FOXF1: variants seen among roughly 807,000 people sequenced by gnomAD.
FOXF1 encodes forkhead box protein F1.
A neutral mutation model predicts 26.6 loss-of-function variants in FOXF1; 9 were observed. That is an observed-to-expected ratio of 0.34 (90% CI 0.20 to 0.59). FOXF1 has a LOEUF of 0.59. Ranked by LOEUF, FOXF1 falls within the 20% of genes least tolerant of loss-of-function variation. The pLI, the probability that FOXF1 is intolerant of heterozygous loss-of-function variation, is 0.83. For missense variants in FOXF1, 499 were observed against 549.9 expected (o/e 0.91, Z 0.93); for synonymous variants, 330 against 257.7 (o/e 1.28, Z -2.69).
intron 1 of FOXF1, among the ~76,000 whole-genome samples, chr16:86,512,556 G>T (rs1395480498): frequency 1.3e-5 from 2 of 152,216 alleles, no homozygotes; most frequent in African/African-American, 4.8e-5. Context: ...TCTGAGGTTG[G>T]GGGTGGTGGT....
At chr16:86,511,967 G>A (rs1454577592) in intron 1 of FOXF1, among the ~76,000 whole-genome samples, 1 of 149,992 alleles carries the variant, frequency 6.7e-6, no homozygotes, top group African/African-American at 2.4e-5. Context: ...TGCCTGGAGG[G>A]CTGCCTCTGC....
Position 86,510,650 on chromosome 16 carries a change from C to T in FOXF1, c.81C>T (p.Asp27=). 1.3e-6 allele frequency: 2 copies of T among 1,596,606 alleles called. No homozygotes were observed. Among genetic ancestry groups the T allele is most frequent in the Non-Finnish European group, 1.7e-6 (2 of 1,173,298 alleles). Reference sequence around the variant, plus strand: ...GCGGGGGAGGCGGCGCGGCCATGGACCCCGCGTCGTCCGGCCCGTCCAAGG... The same window carrying T: ...GCGGGGGAGGCGGCGCGGCCATGGATCCCGCGTCGTCCGGCCCGTCCAAGG... ...GGGGGGGAAM[D]PASSGPSKAK... Residue 27 remains aspartate, a synonymous_variant, in exon 1 of 2, where the codon GAC becomes GAT. Coordinates refer to ENST00000262426, the MANE Select transcript of FOXF1 (RefSeq NM_001451.3).
chr16:86,511,385 C>G lies in FOXF1; in HGVS notation c.816C>G (p.Pro272=). The G allele has an allele frequency of 6.3e-7, 1 of 1,585,464 alleles. No individual in the cohort carries two copies. Among genetic ancestry groups the G allele is most frequent in the Non-Finnish European group, 8.5e-7 (1 of 1,174,502 alleles). ...CGGGCTCGGCGGCGGCCTGGCCGCC[C>G]TCGGCGTCCGCGGCGCTCAACAGCG... ...VYSGSAAAWP[P]SASAALNSGA... is the part of the protein sequence containing the mutation. The change falls in exon 1 of 2, where the codon CCC becomes CCG. Residue 272 remains proline (P), a synonymous_variant. Transcript: ENST00000262426.
rs1334406061 is a variant in FOXF1, at chr16:86,514,157, C to A, written c.*1072C>A. On this transcript the variant is annotated 3_prime_UTR_variant, in exon 2 of 2. Transcript: ENST00000262426. Reference sequence around the variant, plus strand: ...GCCGTGTAGAATTTTTTTTAGATATCCATTGTAAATTTGAAACAAAGACCG... The same window carrying A: ...GCCGTGTAGAATTTTTTTTAGATATACATTGTAAATTTGAAACAAAGACCG... 4 of 151,858 alleles carry A rather than the reference C, an allele frequency of 2.6e-5. No individual in the cohort carries two copies. The highest frequency in any genetic ancestry group is 9.7e-5 in the African/African-American group (4 of 41,354). The allele number at this position is 151,858 out of a possible 1,614,324, so 9.4% of individuals were successfully genotyped here.
chr16:86,511,222 C>A lies in FOXF1; in HGVS notation c.653C>A (p.Ser218Tyr). The change falls in exon 1 of 2, where the codon TCC (serine) becomes TAC (tyrosine). Residue 218 changes from serine (S) to tyrosine (Y), a missense_variant. By Grantham distance (144) the Ser-to-Tyr change is moderately radical (BLOSUM62 -2). Coordinates refer to ENST00000262426, the MANE Select transcript of FOXF1 (RefSeq NM_001451.3). Reference sequence around the variant, plus strand: ...AGCCACTCGGTGCCCCACCTGCCTTCCAACGGCGGCCACTCGTACATGGGC... The same window carrying A: ...AGCCACTCGGTGCCCCACCTGCCTTACAACGGCGGCCACTCGTACATGGGC... ...LPSHSVPHLP[S>Y]NGGHSYMGGC... 6.5e-7 allele frequency: 1 copy of A among 1,535,502 alleles called. No individual in the cohort carries two copies. The highest frequency in any genetic ancestry group is 8.7e-7 in the Non-Finnish European group (1 of 1,146,824).
chr16:86,511,688 CT>C, intron 1 of FOXF1, 140 bp downstream of exon 1: 1 of 1,211,034 alleles, frequency 8.3e-7, no homozygotes, highest in Non-Finnish European at 1.2e-6. Context: ...CAAGGTGTCT[CT>C]TGGCCCCACC....
chr16:86,513,443 A>G lies in FOXF1; in HGVS notation c.*358A>G, dbSNP rs903335860. 7 of 272,914 alleles carry G rather than the reference A, an allele frequency of 2.6e-5. No individual in the cohort carries two copies. The Admixed American group carries it at 3.4e-4, about 13-fold the overall frequency. 16.9% of individuals were successfully genotyped at this position (272,914 alleles called of 1,614,324 possible). On this transcript the variant is annotated 3_prime_UTR_variant, in exon 2 of 2. Transcript: ENST00000262426. Reference sequence around the variant, plus strand: ...CTGAGGTCCCCCCTCCTTCCGGCCAATGGCAGAAGTGGGGGAAAATTTTTA... The same window carrying G: ...CTGAGGTCCCCCCTCCTTCCGGCCAGTGGCAGAAGTGGGGGAAAATTTTTA...
Position 86,512,913 on chromosome 16 carries a change from C to T in FOXF1, c.980-12C>T, listed in dbSNP as rs1214254513. On this transcript the variant is annotated splice_polypyrimidine_tract_variant and intron_variant, in intron 1 of 1. Coordinates refer to ENST00000262426, the MANE Select transcript of FOXF1 (RefSeq NM_001451.3). ...CTGCTCCCCCAACCCCTCCTGTCGC[C>T]TCGCCTTGCAGGCATCCCGCGGTAT... The T allele has an allele frequency of 1.9e-6, 3 of 1,613,892 alleles. No homozygotes were observed. The African/African-American group carries it at 4.0e-5, about 22-fold the overall frequency.
In FOXF1 at chr16:86,511,052, C is replaced by T. The variant is rs1234300382; in HGVS notation, c.483C>T (p.Leu161=). The T allele has an allele frequency of 8.1e-6, 13 of 1,611,126 alleles. No individual in the cohort carries two copies. The highest frequency in any genetic ancestry group is 1.0e-5 in the Non-Finnish European group (12 of 1,179,976). ...CCATGTACAGCATGATGAACGGGCT[C>T]GGCTTCAACCACCTCCCGGACACCT... The part of the protein sequence containing the change: ...LKPMYSMMNG[L]GFNHLPDTYG... The change falls in exon 1 of 2, where the codon CTC becomes CTT. Residue 161 remains leucine (L), a synonymous_variant. Coordinates refer to ENST00000262426, the MANE Select transcript of FOXF1 (RefSeq NM_001451.3).
rs144507459 is a variant in FOXF1, at chr16:86,512,648, C to T, written c.980-277C>T. Among the ~76,000 whole-genome samples the T allele has an allele frequency of 2.0e-5, 3 of 152,314 alleles. No homozygotes were observed. In the East Asian group the frequency reaches 5.8e-4, roughly 29 times the overall value. ...ACCACTTCCCCTATGGCTCTGGAAG[C>T]CCTGGGCCCCTGCACGGTGTCCGAG... On this transcript the variant is annotated intron_variant, in intron 1 of 1. Coordinates refer to ENST00000262426, the MANE Select transcript of FOXF1 (RefSeq NM_001451.3).
chr16:86,512,071 A>C (rs76103446), intron 1 of FOXF1, among the ~76,000 whole-genome samples: 1,712 of 152,342 alleles, frequency 0.011, 40 homozygotes, highest in African/African-American at 0.039. Flanking sequence ...CAGACCTGGC[A>C]GACCCACAGC....
Position 86,512,282 on chromosome 16 carries a change from C to T in FOXF1, c.980-643C>T, listed in dbSNP as rs557295760. Among the ~76,000 whole-genome samples the T allele has an allele frequency of 5.3e-5, 8 of 152,310 alleles. No individual in the cohort carries two copies. The South Asian group carries it at 1.4e-3, about 28-fold the overall frequency. On this transcript the variant is annotated intron_variant, in intron 1 of 1. Transcript: ENST00000262426. ...TGCCAAGGGAGATGCAGCAGCCTCG[C>T]CTCCTGATTCTGCCCCAGGCCCCCC...
rs773800792 is a variant in FOXF1 at position 86,510,656 on chromosome 16, G to A, written c.87G>A (p.Ala29=). 1.9e-6 allele frequency: 3 copies of A among 1,602,690 alleles called. No individual in the cohort carries two copies. Among genetic ancestry groups the A allele is most frequent in the Admixed American group, 1.7e-5 (1 of 59,162 alleles). ...GGGGGAAMDP[A]SSGPSKAKKT... is the part of the protein sequence containing the mutation. ...GAGGCGGCGCGGCCATGGACCCCGC[G>A]TCGTCCGGCCCGTCCAAGGCCAAGA... Residue 29 remains alanine, a synonymous_variant, in exon 1 of 2, where the codon GCG becomes GCA. Transcript: ENST00000262426.
At position 86,511,310 on chromosome 16, in the gene FOXF1, G is replaced by C; in HGVS notation, c.741G>C (p.Pro247=). The C allele has an allele frequency of 2.0e-6, 3 of 1,520,464 alleles. No individual in the cohort carries two copies. The highest frequency in any genetic ancestry group is 2.6e-6 in the Non-Finnish European group (3 of 1,141,712). The allele number at this position is 1,520,464 out of a possible 1,614,324, so 94.2% of individuals were successfully genotyped here. The change falls in exon 1 of 2, where the codon CCG becomes CCC. Residue 247 remains proline, a synonymous_variant. Coordinates refer to ENST00000262426, the MANE Select transcript of FOXF1 (RefSeq NM_001451.3). Reference sequence around the variant, plus strand: ...ACGACAGCTCGGTGCCCGCCTCCCCGCTGCTGCCCACCGGCGCCGGTGGGG... The same window carrying C: ...ACGACAGCTCGGTGCCCGCCTCCCCCCTGCTGCCCACCGGCGCCGGTGGGG... ...PHHDSSVPAS[P]LLPTGAGGVM... is the part of the protein sequence containing the mutation.
chr16:86,511,541 G>T lies in FOXF1; in HGVS notation c.972G>T (p.Glu324Asp), dbSNP rs1205506659. ...AGAACAGCCACAACGCCCCAGCCGAGCTGCAAGGTGAGTGGGGAGGCCGAG... is the reference window on the plus strand; with the variant it reads ...AGAACAGCCACAACGCCCCAGCCGATCTGCAAGGTGAGTGGGGAGGCCGAG... ...LHQNSHNAPA[E>D]LQGIPRYHSQ... The change falls in exon 1 of 2, where the codon GAG becomes GAT. Residue 324 changes from glutamate (E) to aspartate (D), a missense_variant. Physicochemically the swap from Glu to Asp is conservative, Grantham distance 45. This residue lies in a region of FOXF1 where 367 missense variants were observed against 324.8 expected (regional missense o/e 1.13). Coordinates refer to ENST00000262426, the MANE Select transcript of FOXF1 (RefSeq NM_001451.3). 6.3e-7 allele frequency: 1 copy of T among 1,586,328 alleles called. No homozygotes were observed. The highest frequency in any genetic ancestry group is 1.7e-5 in the Admixed American group (1 of 58,764).
rs933010026 is a variant in FOXF1 at position 86,514,059 on chromosome 16, C to T, written c.*974C>T. ...CCTGTTTATTTATTCTACTTTCTTTCCCTAATAATCAAAACACCGCGTAGG... is the reference window on the plus strand; with the variant it reads ...CCTGTTTATTTATTCTACTTTCTTTTCCTAATAATCAAAACACCGCGTAGG... On this transcript the variant is annotated 3_prime_UTR_variant, in exon 2 of 2. Transcript: ENST00000262426. The T allele has an allele frequency of 2.0e-5, 3 of 152,196 alleles. No homozygotes were observed. The highest frequency in any genetic ancestry group is 4.4e-5 in the Non-Finnish European group (3 of 68,030). The allele number at this position is 152,196 out of a possible 1,614,324, so 9.4% of individuals were successfully genotyped here.
In FOXF1 at chr16:86,513,142, G is replaced by A. The variant is rs145532148; in HGVS notation, c.*57G>A. ...AGGCGGGTCACAGGGACCCTGGACC[G>A]GCACAAGAAACTGCTTTCTTCTCGA... On this transcript the variant is annotated 3_prime_UTR_variant, in exon 2 of 2. Transcript: ENST00000262426. 1,997 of 1,573,650 alleles carry A rather than the reference G, an allele frequency of 1.3e-3. 22 individuals carry two copies. In the African/African-American group the frequency reaches 0.021, roughly 17 times the overall value.
Sources: gnomAD v4.1 joint callset for allele counts (sites outside exome capture counted in the v4.1 genomes callset) on GRCh38, gnomAD v4.1.1 for gene constraint, gnomAD v4.1.1 regional missense constraint, MANE v1.5 for transcripts, NCBI Gene and HGNC (gene_info 2026-07-23, HGNC 2026-07-21) for gene names.